Variants in RAB11FIP4 observed in about 807,000 individuals in gnomAD.
RAB11FIP4 encodes rab11 family-interacting protein 4.
RAB11FIP4 carries 23 observed loss-of-function variants against 74.3 expected under a neutral mutation model. That is an observed-to-expected ratio of 0.31 (90% CI 0.22 to 0.44). The LOEUF (loss-of-function observed/expected upper bound fraction) is 0.44. Ranked by LOEUF, RAB11FIP4 falls within the 20% of genes least tolerant of loss-of-function variation. The pLI is 1.00. For synonymous variants in RAB11FIP4, 360 were observed against 359.9 expected, an observed-to-expected ratio of 1.00 and a Z score of 0.00; for missense variants, 630 against 863.9, an observed-to-expected ratio of 0.73 and a Z score of 3.39.
chr17:31,497,358 C>G (rs1429604200), intron 3 of RAB11FIP4, among the ~76,000 whole-genome samples: 1 of 151,684 alleles, frequency 6.6e-6, no homozygotes, highest in Non-Finnish European at 1.5e-5. Context: ...AGCGATACTC[C>G]ATCTCAAAAA....
At chr17:31,432,498 A>G (rs1039267932) in intron 2 of RAB11FIP4, among the ~76,000 whole-genome samples, 3 of 151,850 alleles carry the variant, frequency 2.0e-5, no homozygotes, top group Non-Finnish European at 4.4e-5. Context: ...AGCTGAGACT[A>G]CAGGAGGTAC....
chr17:31,452,200 C>T (rs145783474), intron 3 of RAB11FIP4, among the ~76,000 whole-genome samples: 4 of 152,234 alleles, frequency 2.6e-5, no homozygotes, highest in African/African-American at 4.8e-5. Flanking sequence ...CTGTAAGCTC[C>T]GTGGGTCCAG....
At position 31,510,070 on chromosome 17, in the gene RAB11FIP4, C is replaced by T. The variant is rs557597107; in HGVS notation, c.337-7581C>T. Among the ~76,000 whole-genome samples the T allele has an allele frequency of 5.9e-5, 9 of 152,330 alleles. No individual in the cohort carries two copies. In the South Asian group the frequency reaches 1.4e-3, roughly 25 times the overall value. On this transcript the variant is annotated intron_variant, in intron 3 of 14. Transcript: ENST00000621161. Reference sequence around the variant, plus strand: ...AGCCAAGATTGCGTACCAGTCTCTGCGGCCACCACCTTTTCATGATGAGAG... The same window carrying T: ...AGCCAAGATTGCGTACCAGTCTCTGTGGCCACCACCTTTTCATGATGAGAG...
intron 1 of RAB11FIP4, among the ~76,000 whole-genome samples, chr17:31,403,383 C>T (rs916094020): frequency 4.0e-5 from 6 of 151,338 alleles, no homozygotes; most frequent in Non-Finnish European, 7.4e-5. Flanking sequence ...AGTGCAGTGG[C>T]GCAATCTCGG....
intron 3 of RAB11FIP4, among the ~76,000 whole-genome samples, chr17:31,436,115 G>T (rs2071354599): frequency 6.6e-6 from 1 of 152,118 alleles, no homozygotes; most frequent in African/African-American, 2.4e-5. Flanking sequence ...AGGTGTGCAG[G>T]ACTGGGTCCA....
chr17:31,445,723 T>C (rs1221090593), intron 3 of RAB11FIP4, among the ~76,000 whole-genome samples: 1 of 150,368 alleles, frequency 6.7e-6, no homozygotes, highest in Non-Finnish European at 1.5e-5. Context: ...GTAGCTGGGA[T>C]TACAGGTGCA....
At chr17:31,497,131 A>C (rs142849122) in intron 3 of RAB11FIP4, among the ~76,000 whole-genome samples, 1 of 152,188 alleles carries the variant, frequency 6.6e-6, no homozygotes, top group Non-Finnish European at 1.5e-5. Flanking sequence ...TGGGAGGCCA[A>C]CGCGGGCGGA....
In RAB11FIP4 at chr17:31,512,334, C is replaced by T. The variant is rs1219441480; in HGVS notation, c.337-5317C>T. ...TTCTGTAGGTGAGGAGCCAGGTGCT[C>T]ACAAAGGTGGTCACTTGTCCAAGGT... On this transcript the variant is annotated intron_variant, in intron 3 of 14. Coordinates refer to ENST00000621161, the MANE Select transcript of RAB11FIP4 (RefSeq NM_032932.6). The surrounding 1 kb of genome is among the most constrained non-coding windows in gnomAD (Gnocchi z 4.1). 1.3e-5 allele frequency among the ~76,000 whole-genome samples: 2 copies of T among 152,144 alleles called. No individual in the cohort carries two copies. Among genetic ancestry groups the T allele is most frequent in the Non-Finnish European group, 2.9e-5 (2 of 68,010 alleles).
rs2142794754 is a variant in RAB11FIP4 at position 31,512,053 on chromosome 17, G to A, written c.337-5598G>A. Among the ~76,000 whole-genome samples the A allele has an allele frequency of 6.6e-6, 1 of 152,298 alleles. No individual in the cohort carries two copies. Among genetic ancestry groups the A allele is most frequent in the Non-Finnish European group, 1.5e-5 (1 of 68,002 alleles). On this transcript the variant is annotated intron_variant, in intron 3 of 14. Coordinates refer to ENST00000621161, the MANE Select transcript of RAB11FIP4 (RefSeq NM_032932.6). The surrounding 1 kb of genome is among the most constrained non-coding windows in gnomAD (Gnocchi z 4.1). ...CCTGTTCTCCAGCTCTCTCCAGAAT[G>A]CCCTGGCCTCAGGTAATTCCTCAGC... is the stretch of plus-strand genomic sequence containing the variant.
intron 3 of RAB11FIP4, among the ~76,000 whole-genome samples, chr17:31,515,570 G>A (rs2072531164): frequency 6.6e-6 from 1 of 152,018 alleles, no homozygotes; most frequent in African/African-American, 2.4e-5. Flanking sequence ...GCACATCCAG[G>A]CCTGTCGCTG....
At chr17:31,517,203 C>CG (rs2072572338) in intron 3 of RAB11FIP4, among the ~76,000 whole-genome samples, 2 of 8,230 alleles carry the variant, frequency 2.4e-4, no homozygotes, top group Non-Finnish European at 4.7e-4. Flanking sequence ...GGGGGGGGGG[C>CG]GGTGGGGGGG....
chr17:31,450,311 C>T (rs963600943), intron 3 of RAB11FIP4, among the ~76,000 whole-genome samples: 6 of 146,260 alleles, frequency 4.1e-5, no homozygotes, highest in Admixed American at 2.8e-4. Context: ...ACCACCCCCC[C>T]GCCACCGGCT....
intron 3 of RAB11FIP4, among the ~76,000 whole-genome samples, chr17:31,461,710 C>T (rs1160949369): frequency 6.6e-6 from 1 of 151,380 alleles, no homozygotes; most frequent in Non-Finnish European, 1.5e-5. Flanking sequence ...GCATGATCCA[C>T]TGCACCCAGC....
chr17:31,525,635 G>A (rs16972276), intron 10 of RAB11FIP4: 6,365 of 191,062 alleles, frequency 0.033, 124 homozygotes, highest in African/African-American at 0.052. Context: ...CTGTGGCTTC[G>A]TCATTGGAAC....
At chr17:31,424,241 T>A (rs1419540885) in intron 1 of RAB11FIP4, among the ~76,000 whole-genome samples, 1 of 152,164 alleles carries the variant, frequency 6.6e-6, no homozygotes, top group Non-Finnish European at 1.5e-5. Flanking sequence ...TGTGTAGTTG[T>A]TTTATGTCTT....
At chr17:31,505,387 CAGT>C (rs1319115545) in intron 3 of RAB11FIP4, among the ~76,000 whole-genome samples, 10 of 117,828 alleles carry the variant, frequency 8.5e-5, no homozygotes, top group African/African-American at 3.0e-4. Context: ...CTTATTCCAT[CAGT>C]AATAATAATA....
At chr17:31,450,934 C>A (rs1368745326) in intron 3 of RAB11FIP4, among the ~76,000 whole-genome samples, 2 of 152,248 alleles carry the variant, frequency 1.3e-5, no homozygotes, top group East Asian at 3.9e-4. Flanking sequence ...TACCTGGTCA[C>A]TCTGACCAAG....
At chr17:31,409,409 T>C (rs1438492161) in intron 1 of RAB11FIP4, among the ~76,000 whole-genome samples, 1 of 152,154 alleles carries the variant, frequency 6.6e-6, no homozygotes, top group Non-Finnish European at 1.5e-5. Flanking sequence ...ATGTAAAGAA[T>C]TATGCTTGGA....
chr17:31,438,722 A>G (rs1194825717), intron 3 of RAB11FIP4, among the ~76,000 whole-genome samples: 1 of 152,158 alleles, frequency 6.6e-6, no homozygotes, highest in African/African-American at 2.4e-5. Context: ...CCGTTTCCTG[A>G]GAAAGCCATG....
Sources: gnomAD v4.1 joint callset for allele counts (sites outside exome capture counted in the v4.1 genomes callset) on GRCh38, gnomAD v4.1.1 for gene constraint, Gnocchi (gnomAD v3.1) non-coding constraint, MANE v1.5 for transcripts, NCBI Gene and HGNC (gene_info 2026-07-23, HGNC 2026-07-21) for gene names.